SMOX: variants seen among roughly 807,000 people sequenced by gnomAD.
The protein encoded by SMOX is spermine oxidase.
In SMOX, 22 loss-of-function variants were observed where a neutral mutation model predicts 51.0. The observed-to-expected ratio is 0.43, with a 90% CI of 0.31 to 0.62. The LOEUF (loss-of-function observed/expected upper bound fraction) is 0.62. SMOX is among the 20% of genes least tolerant of loss of function. SMOX has a pLI of 0.10. For synonymous variants in SMOX, 282 were observed against 307.8 expected (o/e 0.92, Z 0.88); for missense variants, 566 against 777.7 (o/e 0.73, Z 3.24).
At chr20:4,157,615 A>G (rs898246150) in intron 1 of SMOX, among the ~76,000 whole-genome samples, 17 of 152,158 alleles carry the variant, frequency 1.1e-4, no homozygotes, top group Non-Finnish European at 2.4e-4. Flanking sequence ...GGGCTGTGGC[A>G]GCCCACAGAA....
intron 1 of SMOX, among the ~76,000 whole-genome samples, chr20:4,163,200 TAAA>T (rs11475945): frequency 6.9e-6 from 1 of 144,562 alleles, no homozygotes. Flanking sequence ...TGTAGGTCCC[TAAA>T]AAAAAAAAAA....
intron 1 of SMOX, among the ~76,000 whole-genome samples, chr20:4,163,714 T>C (rs559221338): frequency 2.0e-5 from 3 of 152,296 alleles, no homozygotes; most frequent in South Asian, 4.1e-4. Context: ...CAAGATGGTG[T>C]GCTCACATGC....
At chr20:4,152,056 G>C (rs1985790695) in intron 1 of SMOX, among the ~76,000 whole-genome samples, 2 of 152,216 alleles carry the variant, frequency 1.3e-5, no homozygotes, top group Admixed American at 1.3e-4. Flanking sequence ...AAGAATCTAA[G>C]GGCGCCAATG....
rs1249514052 is a variant in SMOX, at chr20:4,166,314, C to T, written c.-26-8716C>T. Among the ~76,000 whole-genome samples the T allele has an allele frequency of 3.9e-5, 6 of 152,162 alleles. No homozygotes were observed. The highest frequency in any genetic ancestry group is 8.8e-5 in the Non-Finnish European group (6 of 68,040). On this transcript the variant is annotated intron_variant, in intron 1 of 6. Transcript: ENST00000305958. The surrounding 1 kb of genome is among the most constrained non-coding windows in gnomAD (Gnocchi z 4.2). The stretch of plus-strand genomic sequence containing the variant: ...TCTCTCTCTGATACTGTCATCAAGG[C>T]CCTCAGTGAGCTTTCGGAAAGACCC...
rs76598830 is a variant in SMOX at position 4,183,916 on chromosome 20, C to T, written c.1530+262C>T. Among the ~76,000 whole-genome samples, 4,788 of 152,084 alleles carry T rather than the reference C, an allele frequency of 0.031. 221 individuals are homozygous for T. Among genetic ancestry groups the T allele is most frequent in the African/African-American group, 0.11 (4,541 of 41,462 alleles). ...CTATTCCATGCTGTGCTGGCCAATA[C>T]GGTAGCTATCAGCCACTTTCAATTT... On this transcript the variant is annotated intron_variant, in intron 6 of 6. Transcript: ENST00000305958. This position sits in a 1 kb window ranked among gnomAD's most constrained non-coding sequence, Gnocchi z 4.3.
rs1156891257 is a variant in SMOX, at chr20:4,166,099, G to A, written c.-26-8931G>A. 6.8e-6 allele frequency among the ~76,000 whole-genome samples: 1 copy of A among 146,260 alleles called. No individual in the cohort carries two copies. Among genetic ancestry groups the A allele is most frequent in the African/African-American group, 2.5e-5 (1 of 39,624 alleles). On this transcript the variant is annotated intron_variant, in intron 1 of 6. Coordinates refer to ENST00000305958, the MANE Select transcript of SMOX (RefSeq NM_175839.3). The surrounding 1 kb of genome is among the most constrained non-coding windows in gnomAD (Gnocchi z 4.2). ...GAGGTGTTCAGAGCAATTGTGCCTA[G>A]CGCCTGATCTAATCTGTTGTCAGAG...
rs1252143497 is a variant in SMOX, at chr20:4,177,876, T to C, written c.435+299T>C. ...CACAAAAAATGAGAATTTTGTCTTTTTTTCCTTTCTAGTCATTAGACCAGC... is the reference window on the plus strand; with the variant it reads ...CACAAAAAATGAGAATTTTGTCTTTCTTTCCTTTCTAGTCATTAGACCAGC... On this transcript the variant is annotated intron_variant, in intron 3 of 6. Transcript: ENST00000305958. The surrounding 1 kb of genome is among the most constrained non-coding windows in gnomAD (Gnocchi z 4.3). Among the ~76,000 whole-genome samples, 2 of 152,214 alleles carry C rather than the reference T, an allele frequency of 1.3e-5. No individual in the cohort carries two copies. Among genetic ancestry groups the C allele is most frequent in the African/African-American group, 4.8e-5 (2 of 41,456 alleles).
rs552923102 is a variant in SMOX, at chr20:4,170,509, C to T, written c.-26-4521C>T. ...TGAGACAGGGTCTCACTCTGTTGCC[C>T]AGGCTGGAGCACCATGGTGCCATCT... On this transcript the variant is annotated intron_variant, in intron 1 of 6. Transcript: ENST00000305958. This position sits in a 1 kb window ranked among gnomAD's most constrained non-coding sequence, Gnocchi z 4.6. Among the ~76,000 whole-genome samples, 5 of 152,192 alleles carry T rather than the reference C, an allele frequency of 3.3e-5. No individual in the cohort carries two copies. The highest frequency in any genetic ancestry group is 5.9e-5 in the Non-Finnish European group (4 of 68,012).
In SMOX at chr20:4,183,295, G is replaced by A. The variant is rs1211249330; in HGVS notation, c.1370-199G>A. 2 of 672,264 alleles carry A rather than the reference G, an allele frequency of 3.0e-6. No homozygotes were observed. The highest frequency in any genetic ancestry group is 2.7e-5 in the East Asian group (1 of 36,824). The allele number at this position is 672,264 out of a possible 1,614,324, so 41.6% of individuals were successfully genotyped here. On this transcript the variant is annotated intron_variant, in intron 5 of 6. Coordinates refer to ENST00000305958, the MANE Select transcript of SMOX (RefSeq NM_175839.3). This position sits in a 1 kb window ranked among gnomAD's most constrained non-coding sequence, Gnocchi z 4.3. The stretch of plus-strand genomic sequence containing the variant: ...AAGTAAGGTGGAGCGTTTTGCCGGG[G>A]GTCACAGGAGGCGCTGAGTGGGTAC...
At chr20:4,150,612 A>G (rs976875015) in intron 1 of SMOX, among the ~76,000 whole-genome samples, 1 of 152,226 alleles carries the variant, frequency 6.6e-6, no homozygotes, top group Non-Finnish European at 1.5e-5. Flanking sequence ...TTAAAAATCA[A>G]GCATCAATTT....
intron 1 of SMOX, among the ~76,000 whole-genome samples, chr20:4,161,541 C>T (rs527864248): frequency 6.6e-6 from 1 of 152,340 alleles, no homozygotes; most frequent in East Asian, 1.9e-4. Flanking sequence ...CCAGCGGTGT[C>T]ATGCCTGGTC....
Position 4,153,188 on chromosome 20 carries a change from C to T in SMOX, c.-27+4211C>T, listed in dbSNP as rs1041616358. On this transcript the variant is annotated intron_variant, in intron 1 of 6. Coordinates refer to ENST00000305958, the MANE Select transcript of SMOX (RefSeq NM_175839.3). The surrounding 1 kb of genome is among the most constrained non-coding windows in gnomAD (Gnocchi z 4.4). ...ACCCAGGCCAATGGGTTGGGCATCACGTACACTGTGATTTTGGGGTGCTGG... is the reference window on the plus strand; with the variant it reads ...ACCCAGGCCAATGGGTTGGGCATCATGTACACTGTGATTTTGGGGTGCTGG... Among the ~76,000 whole-genome samples, 5 of 152,186 alleles carry T rather than the reference C, an allele frequency of 3.3e-5. No homozygotes were observed. Among genetic ancestry groups the T allele is most frequent in the East Asian group, 1.9e-4 (1 of 5,198 alleles).
chr20:4,155,145 G>T (rs1985949787), intron 1 of SMOX, among the ~76,000 whole-genome samples: 1 of 152,132 alleles, frequency 6.6e-6, no homozygotes, highest in African/African-American at 2.4e-5. Flanking sequence ...CCAATCTGGG[G>T]TGAGCACCCT....
At chr20:4,185,077 T>C (rs12625347) in intron 6 of SMOX, among the ~76,000 whole-genome samples, 5,351 of 152,292 alleles carry the variant, frequency 0.035, 188 homozygotes, top group East Asian at 0.19. Context: ...TTAATGCTTA[T>C]TGGCCAGAAC....
rs1173344568 is a variant in SMOX at position 4,149,668 on chromosome 20, T to C, written c.-27+691T>C. Among the ~76,000 whole-genome samples, 1 of 152,112 alleles carries C rather than the reference T, an allele frequency of 6.6e-6. No individual in the cohort carries two copies. The highest frequency in any genetic ancestry group is 1.9e-4 in the East Asian group (1 of 5,156). Reference sequence around the variant, plus strand: ...GAGGGGCTGAGGGAAGCCACTGCCCTGGGGTAGGGGCGAGGGCTCCTTTAG... The same window carrying C: ...GAGGGGCTGAGGGAAGCCACTGCCCCGGGGTAGGGGCGAGGGCTCCTTTAG... On this transcript the variant is annotated intron_variant, in intron 1 of 6. Coordinates refer to ENST00000305958, the MANE Select transcript of SMOX (RefSeq NM_175839.3). This position sits in a 1 kb window ranked among gnomAD's most constrained non-coding sequence, Gnocchi z 6.0.
chr20:4,177,448 A>G lies in SMOX; in HGVS notation c.306A>G (p.Thr102=). The G allele has an allele frequency of 6.4e-7, 1 of 1,568,718 alleles. No homozygotes were observed. Among genetic ancestry groups the G allele is most frequent in the Non-Finnish European group, 8.7e-7 (1 of 1,155,482 alleles). Reference sequence around the variant, plus strand: ...AAGCCAACGGCCTCCTGGAAGAGACAACCGATGGGGAACGCAGCGTGGGCC... The same window carrying G: ...AAGCCAACGGCCTCCTGGAAGAGACGACCGATGGGGAACGCAGCGTGGGCC... ...LAEANGLLEE[T]TDGERSVGRI... is the part of the protein sequence containing the mutation. The change falls in exon 3 of 7, where the codon ACA becomes ACG. Residue 102 remains threonine, a synonymous_variant. Transcript: ENST00000305958. This position sits in a 1 kb window ranked among gnomAD's most constrained non-coding sequence, Gnocchi z 4.3.
chr20:4,178,049 T>G (rs1187518249), intron 3 of SMOX, among the ~76,000 whole-genome samples: 1 of 152,280 alleles, frequency 6.6e-6, no homozygotes, highest in Admixed American at 6.5e-5. Flanking sequence ...TTGTTGTTGT[T>G]GTTTGTTTTT....
chr20:4,159,363 C>T (rs1390577338), intron 1 of SMOX, among the ~76,000 whole-genome samples: 2 of 152,176 alleles, frequency 1.3e-5, no homozygotes, highest in Non-Finnish European at 2.9e-5. Flanking sequence ...CCGCCCACTT[C>T]GACCTCCCAA....
chr20:4,175,988 G>C (rs1035108516), intron 2 of SMOX: 6 of 150,742 alleles, frequency 4.0e-5, no homozygotes, highest in Non-Finnish European at 8.9e-5. Context: ...ACATGGCCTG[G>C]AATGTGTGGC....
Sources: gnomAD v4.1 joint callset for allele counts (sites outside exome capture counted in the v4.1 genomes callset) on GRCh38, gnomAD v4.1.1 for gene constraint, Gnocchi (gnomAD v3.1) non-coding constraint, MANE v1.5 for transcripts, NCBI Gene and HGNC (gene_info 2026-07-23, HGNC 2026-07-21) for gene names.